ARHGEF28: variants seen among roughly 807,000 people sequenced by gnomAD.
The protein encoded by ARHGEF28 is 190 kDa guanine nucleotide exchange factor.
In ARHGEF28, 152 loss-of-function variants were observed where a neutral mutation model predicts 206.6. The ratio of observed to expected loss-of-function variants is 0.74; its 90% confidence interval spans 0.64 to 0.84. The LOEUF (loss-of-function observed/expected upper bound fraction) is 0.84. ARHGEF28 is among the 40% of genes least tolerant of loss of function. The pLI, the probability that ARHGEF28 is intolerant of heterozygous loss-of-function variation, is 0.00. For synonymous variants in ARHGEF28, 763 were observed against 776.4 expected, an observed-to-expected ratio of 0.98 and a Z score of 0.29; for missense variants, 2,028 against 2,073.2, an observed-to-expected ratio of 0.98 and a Z score of 0.42.
At chr5:73,639,228 CAT>C (rs112312521) in intron 1 of ARHGEF28, among the ~76,000 whole-genome samples, 227 of 145,048 alleles carry the variant, frequency 1.6e-3, no homozygotes, top group African/African-American at 4.5e-3. Context: ...TTTTCTATTA[CAT>C]ATATATATAT....
intron 1 of ARHGEF28, among the ~76,000 whole-genome samples, chr5:73,673,549 A>G (rs1178441580): frequency 3.3e-5 from 5 of 152,104 alleles, no homozygotes; most frequent in African/African-American, 1.2e-4. Flanking sequence ...GGGTAGGCCT[A>G]TTTCAGACCC....
intron 9 of ARHGEF28, among the ~76,000 whole-genome samples, chr5:73,826,052 A>G (rs1464301783): frequency 1.3e-5 from 2 of 152,150 alleles, no homozygotes; most frequent in Non-Finnish European, 2.9e-5. Context: ...CAACATCCAG[A>G]AGATGAGGAG....
intron 4 of ARHGEF28, among the ~76,000 whole-genome samples, chr5:73,771,482 A>G (rs976977000): frequency 1.1e-4 from 16 of 151,808 alleles, no homozygotes; most frequent in Non-Finnish European, 1.5e-5. Context: ...TGGGAGGCAG[A>G]GGTTGCAGTG....
intron 33 of ARHGEF28, among the ~76,000 whole-genome samples, chr5:73,906,923 G>A (rs943563632): frequency 6.6e-6 from 1 of 152,024 alleles, no homozygotes; most frequent in Non-Finnish European, 1.5e-5. Context: ...ATATTTTGAA[G>A]TATTCCAGGT....
At position 73,741,341 on chromosome 5, in the gene ARHGEF28, A is replaced by ATGTGTG. The variant is rs369851573; in HGVS notation, c.34-8456_34-8451dup. Among the ~76,000 whole-genome samples, 169 of 66,108 alleles carry ATGTGTG rather than the reference A, an allele frequency of 2.6e-3. 3 individuals carry two copies. The highest frequency in any genetic ancestry group is 8.0e-3 in the African/African-American group (112 of 14,000). 43.4% of individuals were successfully genotyped at this position (66,108 alleles called of 152,430 possible). On this transcript the variant is annotated intron_variant, in intron 2 of 35. Coordinates refer to ENST00000513042, the MANE Select transcript of ARHGEF28 (RefSeq NM_001177693.2). Reference sequence around the variant, plus strand: ...AAAGTCGTCTAGATTTTAAATTTATATGTGTGTGTGTGTGTGTGTGTGTGT... The same window carrying ATGTGTG: ...AAAGTCGTCTAGATTTTAAATTTATATGTGTGTGTGTGTGTGTGTGTGTGTGTGTGT...
chr5:73,857,744 A>G lies in ARHGEF28; in HGVS notation c.1879A>G (p.Met627Val), dbSNP rs1269775206. Residue 627 changes from methionine to valine, a missense_variant, in exon 15 of 36, where the codon ATG becomes GTG. By Grantham distance (21) the Met-to-Val change is conservative. This residue lies in a region of ARHGEF28 where 1,002 missense variants were observed against 1,015.3 expected (regional missense o/e 0.99). Transcript: ENST00000513042. ...AGTGAGTCGAACTTTCAGTTTCCTC[A>G]TGAATAGGATGACTAGCCCTCGGAA... ...YKVSRTFSFL[M>V]NRMTSPRNKS... 6.2e-7 allele frequency: 1 copy of G among 1,613,140 alleles called. No individual in the cohort carries two copies. The highest frequency in any genetic ancestry group is 2.2e-5 in the East Asian group (1 of 44,806).
At chr5:73,835,342 T>A (rs113304580) in intron 10 of ARHGEF28, 2 of 151,702 alleles carry the variant, frequency 1.3e-5, no homozygotes, top group African/African-American at 4.8e-5. Context: ...TGGTGGCGGG[T>A]GCCTGTAGTC....
intron 11 of ARHGEF28, among the ~76,000 whole-genome samples, chr5:73,843,217 T>C (rs545003804): frequency 8.5e-5 from 13 of 152,314 alleles, no homozygotes; most frequent in Admixed American, 2.0e-4. Flanking sequence ...ATTTTTCCTC[T>C]GTAGAATATA....
chr5:73,658,987 A>ACACG lies in ARHGEF28; in HGVS notation c.-11-25851_-11-25850insGCAC, dbSNP rs1554051350. Among the ~76,000 whole-genome samples, 641 of 150,010 alleles carry ACACG rather than the reference A, an allele frequency of 4.3e-3. 3 individuals carry two copies. The highest frequency in any genetic ancestry group is 6.9e-3 in the Middle Eastern group (2 of 288). On this transcript the variant is annotated intron_variant, in intron 1 of 35. Coordinates refer to ENST00000513042, the MANE Select transcript of ARHGEF28 (RefSeq NM_001177693.2). ...TACACACACACACACACACACACAC[A>ACACG]CACACACACACACACACACCACACT...
intron 7 of ARHGEF28, among the ~76,000 whole-genome samples, chr5:73,793,731 G>A (rs568258694): frequency 6.6e-6 from 1 of 152,126 alleles, no homozygotes; most frequent in South Asian, 2.1e-4. Flanking sequence ...TTGTTTAAGG[G>A]CAACTGAGTA....
chr5:73,707,359 G>A (rs1395709011), intron 2 of ARHGEF28, among the ~76,000 whole-genome samples: 1 of 152,210 alleles, frequency 6.6e-6, no homozygotes, highest in Non-Finnish European at 1.5e-5. Context: ...CCACCTGGCA[G>A]TAAGTGGATG....
intron 9 of ARHGEF28, chr5:73,828,190 T>C (rs2112551642): frequency 6.6e-6 from 1 of 152,342 alleles, no homozygotes; most frequent in South Asian, 2.1e-4. Context: ...AGGCTTATTT[T>C]CCTTTCACGA....
At chr5:73,806,977 A>T (rs1482278147) in intron 9 of ARHGEF28, among the ~76,000 whole-genome samples, 1 of 149,056 alleles carries the variant, frequency 6.7e-6, no homozygotes, top group South Asian at 2.1e-4. Context: ...AAATATAGTC[A>T]GTTAAACTTT....
rs539583071 is a variant in ARHGEF28 at position 73,733,251 on chromosome 5, G to T, written c.34-16586G>T. Among the ~76,000 whole-genome samples the T allele has an allele frequency of 1.8e-4, 27 of 152,280 alleles. 1 individual carries two copies. Among genetic ancestry groups the T allele is most frequent in the Middle Eastern group, 6.8e-3 (2 of 294 alleles). On this transcript the variant is annotated intron_variant, in intron 2 of 35. Coordinates refer to ENST00000513042, the MANE Select transcript of ARHGEF28 (RefSeq NM_001177693.2). ...GTAGTTTAACAATGAAAAATAAAAA[G>T]ACTAAACACATAATAGGGTCTTACT...
At chr5:73,784,746 T>C (rs749368843) in intron 7 of ARHGEF28, among the ~76,000 whole-genome samples, 10 of 152,214 alleles carry the variant, frequency 6.6e-5, no homozygotes, top group Non-Finnish European at 1.3e-4. Flanking sequence ...TTTCTATACA[T>C]ACACACCTAT....
intron 9 of ARHGEF28, among the ~76,000 whole-genome samples, chr5:73,816,278 T>C (rs1221545705): frequency 6.6e-6 from 1 of 152,198 alleles, no homozygotes; most frequent in Non-Finnish European, 1.5e-5. Context: ...TTTTTTATCC[T>C]GATGGCCAGT....
At chr5:73,686,271 T>G (rs1016989012) in intron 2 of ARHGEF28, among the ~76,000 whole-genome samples, 1 of 152,212 alleles carries the variant, frequency 6.6e-6, no homozygotes, top group East Asian at 1.9e-4. Flanking sequence ...TGCTGTTTTT[T>G]CTGTGTGTGC....
At chr5:73,920,536 G>T in intron 35 of ARHGEF28, among the ~76,000 whole-genome samples, 1 of 146,276 alleles carries the variant, frequency 6.8e-6, no homozygotes, top group African/African-American at 2.5e-5. Flanking sequence ...CTATCAACCC[G>T]TCATCTAGGT....
intron 1 of ARHGEF28, among the ~76,000 whole-genome samples, chr5:73,666,692 C>G (rs1460628776): frequency 6.6e-6 from 1 of 152,174 alleles, no homozygotes; most frequent in Non-Finnish European, 1.5e-5. Context: ...TTGCAGCCAG[C>G]AGAGTGGCCA....
Sources: allele counts gnomAD v4.1 joint callset (sites outside exome capture counted in the v4.1 genomes callset), GRCh38; gene constraint gnomAD v4.1.1; regional missense constraint gnomAD v4.1.1; transcripts MANE v1.5; gene names NCBI Gene and HGNC (gene_info 2026-07-23, HGNC 2026-07-21).